Variants in FARS2 observed in about 807,000 individuals in gnomAD.
The protein encoded by FARS2 is phenylalanine--tRNA ligase, mitochondrial.
A neutral mutation model predicts 46.4 loss-of-function variants in FARS2; 40 were observed. The observed-to-expected ratio is 0.86, with a 90% confidence interval of 0.67 to 1.12. The LOEUF (loss-of-function observed/expected upper bound fraction) is 1.12. Ranked by LOEUF, FARS2 falls within the 50% of genes most tolerant of loss-of-function variation. The pLI is 0.00. For synonymous variants in FARS2, 234 were observed against 214.9 expected, an observed-to-expected ratio of 1.09 and a Z score of -0.78; for missense variants, 513 against 567.9, an observed-to-expected ratio of 0.90 and a Z score of 0.98.
At chr6:5,261,122 G>T (rs1451429543), upstream of FARS2, 4 of 214,480 alleles carry the variant, frequency 1.9e-5, no homozygotes, top group Non-Finnish European at 3.3e-5. Context: ...GATATCGGAG[G>T]CCCAGGCATT....
chr6:5,489,874 A>G (rs953060377), intron 4 of FARS2, among the ~76,000 whole-genome samples: 3 of 152,260 alleles, frequency 2.0e-5, no homozygotes, highest in Admixed American at 2.0e-4. Flanking sequence ...GTTGAAAAGC[A>G]TATAATGCCA....
At chr6:5,752,982 T>C (rs1410170569) in intron 6 of FARS2, among the ~76,000 whole-genome samples, 1 of 152,164 alleles carries the variant, frequency 6.6e-6, no homozygotes, top group Non-Finnish European at 1.5e-5. Flanking sequence ...TGGCAAGTCA[T>C]GACCCTCCCA....
At chr6:5,350,570 AGT>A (rs1757512990) in intron 1 of FARS2, among the ~76,000 whole-genome samples, 1 of 151,974 alleles carries the variant, frequency 6.6e-6, no homozygotes, top group South Asian at 2.1e-4. Context: ...AAAGCAATTC[AGT>A]GGAGGAAGGC....
intron 1 of FARS2, among the ~76,000 whole-genome samples, chr6:5,329,592 C>T (rs947437956): frequency 3.9e-5 from 6 of 152,266 alleles, no homozygotes; most frequent in Non-Finnish European, 2.9e-5. Context: ...CAAGATTACC[C>T]GCAGTAGAAT....
At chr6:5,719,454 T>G (rs9392089) in intron 6 of FARS2, among the ~76,000 whole-genome samples, 135,599 of 148,986 alleles carry the variant, frequency 0.91, 61,608 homozygotes, top group East Asian at 1. Context: ...GAGAAAGAGA[T>G]AAAGAAAAGA....
intron 4 of FARS2, among the ~76,000 whole-genome samples, chr6:5,539,468 G>A (rs1204151049): frequency 8.0e-5 from 12 of 149,822 alleles, no homozygotes; most frequent in African/African-American, 1.5e-4. Flanking sequence ...TCCTGACCTC[G>A]TGATCTGCCC....
chr6:5,385,139 C>A (rs1760034810), intron 2 of FARS2, among the ~76,000 whole-genome samples: 1 of 152,140 alleles, frequency 6.6e-6, no homozygotes, highest in African/African-American at 2.4e-5. Context: ...CCTTGAAACA[C>A]AAGTCTTCCC....
chr6:5,529,285 T>G (rs539310189), intron 4 of FARS2, among the ~76,000 whole-genome samples: 46 of 152,284 alleles, frequency 3.0e-4, no homozygotes, highest in Middle Eastern at 6.8e-3. Context: ...CTATCACATT[T>G]TTTGTACAAA....
intron 6 of FARS2, among the ~76,000 whole-genome samples, chr6:5,770,945 C>T (rs896398771): frequency 2.0e-5 from 3 of 152,098 alleles, no homozygotes; most frequent in Non-Finnish European, 4.4e-5. Flanking sequence ...AGAATCACGT[C>T]GGGAACCGGG....
At chr6:5,620,303 T>G (rs1775702566) in intron 6 of FARS2, among the ~76,000 whole-genome samples, 1 of 152,178 alleles carries the variant, frequency 6.6e-6, no homozygotes, top group South Asian at 2.1e-4. Context: ...CCACTGGGAT[T>G]TTCTTTAATG....
intron 5 of FARS2, among the ~76,000 whole-genome samples, chr6:5,602,313 T>G (rs545675927): frequency 1.3e-5 from 2 of 152,254 alleles, no homozygotes; most frequent in East Asian, 3.9e-4. Flanking sequence ...TATGAACAGA[T>G]TCATGGGAGC....
chr6:5,528,228 C>T (rs370950700), intron 4 of FARS2, among the ~76,000 whole-genome samples: 2 of 152,102 alleles, frequency 1.3e-5, no homozygotes, highest in East Asian at 1.9e-4. Context: ...GGAGGTTTCA[C>T]TCTGTTGCCA....
the FARS2 span, among the ~76,000 whole-genome samples, chr6:5,251,043 C>T: frequency 2.0e-5 from 3 of 152,326 alleles, no homozygotes; most frequent in African/African-American, 7.2e-5. Flanking sequence ...AATTTGCATG[C>T]TTCCTCTGTA....
In FARS2 at chr6:5,649,604, T is replaced by G. The variant is rs970438696; in HGVS notation, c.1217+36284T>G. On this transcript the variant is annotated intron_variant, in intron 6 of 6. Transcript: ENST00000274680. ...ATTATACTTAATGCTTAATATACGA[T>G]ATCTCATTTAAACTGATGGCAACTC... Among the ~76,000 whole-genome samples, 39 of 152,358 alleles carry G rather than the reference T, an allele frequency of 2.6e-4. 1 individual carries two copies. The highest frequency in any genetic ancestry group is 8.9e-4 in the African/African-American group (37 of 41,578).
intron 1 of FARS2, among the ~76,000 whole-genome samples, chr6:5,280,835 A>G (rs934700125): frequency 7.2e-5 from 11 of 152,088 alleles, no homozygotes; most frequent in South Asian, 2.1e-4. Flanking sequence ...TCATTTTTCA[A>G]TATATTGTAG....
chr6:5,392,133 A>T (rs1202931717), intron 2 of FARS2, among the ~76,000 whole-genome samples: 5 of 152,162 alleles, frequency 3.3e-5, no homozygotes, highest in Non-Finnish European at 7.3e-5. Context: ...CAAGGGTGAG[A>T]TTGGTCCTGG....
At chr6:5,654,462 A>C (rs757442293) in intron 6 of FARS2, among the ~76,000 whole-genome samples, 2 of 152,250 alleles carry the variant, frequency 1.3e-5, no homozygotes, top group Admixed American at 6.5e-5. Context: ...CTTTGTGGAT[A>C]ATAGCTTGGA....
intron 1 of FARS2, among the ~76,000 whole-genome samples, chr6:5,316,028 C>T (rs909817184): frequency 6.6e-6 from 1 of 152,194 alleles, no homozygotes; most frequent in Non-Finnish European, 1.5e-5. Context: ...GATGCTGATC[C>T]AGACAGCCTA....
rs771827025 is a variant in FARS2 at position 5,771,223 on chromosome 6, G to A, written c.1218-68G>A. On this transcript the variant is annotated intron_variant, in intron 6 of 6. Transcript: ENST00000274680. Reference sequence around the variant, plus strand: ...AGTTGGGGAGATCTGGCCAGGGCAAGCCACACTGCTCCTTCAGGCACAGCC... The same window carrying A: ...AGTTGGGGAGATCTGGCCAGGGCAAACCACACTGCTCCTTCAGGCACAGCC... 2.7e-4 allele frequency: 430 copies of A among 1,597,504 alleles called. 1 individual carries two copies. The highest frequency in any genetic ancestry group is 3.6e-4 in the Non-Finnish European group (418 of 1,169,642).
Sources: allele counts gnomAD v4.1 joint callset (sites outside exome capture counted in the v4.1 genomes callset), GRCh38; gene constraint gnomAD v4.1.1; transcripts MANE v1.5; gene names NCBI Gene and HGNC (gene_info 2026-07-23, HGNC 2026-07-21).